LINGO2: variants seen among roughly 807,000 people sequenced by gnomAD.
LINGO2 encodes leucine-rich repeat and immunoglobulin-like domain-containing nogo receptor-interacting protein 2.
LINGO2 carries 14 observed loss-of-function variants against 30.6 expected under a neutral mutation model. The ratio of observed to expected loss-of-function variants is 0.46; its 90% CI spans 0.30 to 0.72. The LOEUF (loss-of-function observed/expected upper bound fraction) is 0.72. LINGO2 is among the 30% of genes least tolerant of loss of function. The pLI, the probability that LINGO2 is intolerant of heterozygous loss-of-function variation, is 0.07. For synonymous variants in LINGO2, 317 were observed against 288.5 expected (o/e 1.10, Z -1.00); for missense variants, 729 against 751.7 (o/e 0.97, Z 0.35).
At chr9:28,097,344 C>A (rs1417852151) in intron 4 of LINGO2, among the ~76,000 whole-genome samples, 2 of 151,262 alleles carry the variant, frequency 1.3e-5, no homozygotes, top group Non-Finnish European at 2.9e-5. Context: ...GGTATATACC[C>A]AAAGGACTAC....
chr9:29,104,406 G>T, the LINGO2 span, among the ~76,000 whole-genome samples: 1 of 151,998 alleles, frequency 6.6e-6, no homozygotes, highest in African/African-American at 2.4e-5. Context: ...GGAGAGAGAG[G>T]GCTTGCTTCT....
the LINGO2 span, among the ~76,000 whole-genome samples, chr9:28,992,826 G>C: frequency 5.9e-5 from 9 of 152,042 alleles, no homozygotes; most frequent in South Asian, 1.5e-3. Context: ...CGAGAACGAA[G>C]ACACAACATA....
chr9:28,630,355 T>A (rs943866495), intron 1 of LINGO2, among the ~76,000 whole-genome samples: 2 of 152,138 alleles, frequency 1.3e-5, no homozygotes, highest in Non-Finnish European at 2.9e-5. Context: ...TTTTTTTCTA[T>A]TATTAATACT....
chr9:28,617,302 CTTTTT>C (rs5897312), intron 1 of LINGO2, among the ~76,000 whole-genome samples: 2 of 147,076 alleles, frequency 1.4e-5, no homozygotes, highest in African/African-American at 5.1e-5. Context: ...CTTTTCTTTT[CTTTTT>C]TTTTTCGAGA....
chr9:28,564,276 T>C (rs890544942), intron 1 of LINGO2, among the ~76,000 whole-genome samples: 1 of 152,154 alleles, frequency 6.6e-6, no homozygotes, highest in Non-Finnish European at 1.5e-5. Context: ...TCAATCATTA[T>C]AGGTAGTCTC....
intron 4 of LINGO2, among the ~76,000 whole-genome samples, chr9:28,171,883 G>T (rs550373861): frequency 6.6e-6 from 1 of 150,592 alleles, no homozygotes; most frequent in Non-Finnish European, 1.5e-5. Context: ...TTAGCCAGGC[G>T]TGGTGGCGGG....
At chr9:27,966,711 C>T (rs932198687) in intron 5 of LINGO2, among the ~76,000 whole-genome samples, 3 of 152,044 alleles carry the variant, frequency 2.0e-5, no homozygotes, top group Non-Finnish European at 4.4e-5. Flanking sequence ...ATGTTCAGCA[C>T]ACGTATCCCA....
chr9:28,142,942 C>G (rs1157763384), intron 4 of LINGO2, among the ~76,000 whole-genome samples: 1 of 152,118 alleles, frequency 6.6e-6, no homozygotes, highest in Non-Finnish European at 1.5e-5. Context: ...AAATCAACTT[C>G]CTATGCTGGT....
At chr9:28,242,884 G>C (rs1821851374) in intron 4 of LINGO2, among the ~76,000 whole-genome samples, 1 of 152,160 alleles carries the variant, frequency 6.6e-6, no homozygotes, top group Non-Finnish European at 1.5e-5. Flanking sequence ...AGCTTCATAA[G>C]TGAAGGAGAA....
At chr9:28,465,547 G>A (rs1334312522) in intron 2 of LINGO2, among the ~76,000 whole-genome samples, 4 of 152,168 alleles carry the variant, frequency 2.6e-5, no homozygotes, top group African/African-American at 9.7e-5. Flanking sequence ...ATTCAGGCTT[G>A]AGGGTGGAGC....
At chr9:28,131,242 T>C (rs1246108085) in intron 4 of LINGO2, among the ~76,000 whole-genome samples, 3 of 151,704 alleles carry the variant, frequency 2.0e-5, no homozygotes, top group Non-Finnish European at 4.4e-5. Context: ...ATAAATGTCA[T>C]GTATTTTGTA....
chr9:28,357,175 T>C (rs958852568), intron 3 of LINGO2, among the ~76,000 whole-genome samples: 8 of 152,102 alleles, frequency 5.3e-5, no homozygotes, highest in African/African-American at 1.9e-4. Flanking sequence ...TTCTAATTTA[T>C]GGTTCTTTCG....
chr9:28,235,578 T>G (rs1004043353), intron 4 of LINGO2, among the ~76,000 whole-genome samples: 4 of 152,078 alleles, frequency 2.6e-5, no homozygotes, highest in African/African-American at 9.7e-5. Flanking sequence ...TTAAGGAAAC[T>G]CAAAGAAATT....
chr9:28,731,178 G>A, the LINGO2 span, among the ~76,000 whole-genome samples: 10 of 152,066 alleles, frequency 6.6e-5, no homozygotes, highest in East Asian at 1.4e-3. Context: ...TAGTAGAGGC[G>A]AGATTTCTCC....
the LINGO2 span, among the ~76,000 whole-genome samples, chr9:28,867,720 A>C: frequency 6.6e-6 from 1 of 152,172 alleles, no homozygotes; most frequent in African/African-American, 2.4e-5. Context: ...AAAAAAGTGT[A>C]ATCTGTCCAA....
intron 4 of LINGO2, chr9:28,149,210 G>A (rs1827908615): frequency 8.6e-7 from 1 of 1,156,490 alleles, no homozygotes; most frequent in African/African-American, 1.5e-5. Context: ...GAGATGGTAG[G>A]GCAGGCGTGG....
chr9:27,976,543 CACA>C (rs1297707067), intron 5 of LINGO2, among the ~76,000 whole-genome samples: 1 of 152,014 alleles, frequency 6.6e-6, no homozygotes, highest in East Asian at 1.9e-4. Flanking sequence ...ATTTACTCCT[CACA>C]ACAACTCTAG....
At chr9:28,428,729 T>C (rs1305421210) in intron 2 of LINGO2, among the ~76,000 whole-genome samples, 1 of 152,112 alleles carries the variant, frequency 6.6e-6, no homozygotes, top group African/African-American at 2.4e-5. Context: ...TGCAGAAGAT[T>C]TGGAATCAGA....
intron 1 of LINGO2, among the ~76,000 whole-genome samples, chr9:28,577,745 C>T (rs1183682412): frequency 2.0e-5 from 3 of 152,256 alleles, no homozygotes; most frequent in South Asian, 2.1e-4. Flanking sequence ...AGGTGCAATA[C>T]GCATTCATTT....
Sources: gnomAD v4.1 joint callset for allele counts (sites outside exome capture counted in the v4.1 genomes callset) on GRCh38, gnomAD v4.1.1 for gene constraint, MANE v1.5 for transcripts, NCBI Gene and HGNC (gene_info 2026-07-23, HGNC 2026-07-21) for gene names.